The following PARD3 variants were observed in gnomAD, a reference collection of about 807,000 sequenced individuals.
PARD3 encodes the protein par-3 family cell polarity regulator, also known as partitioning defective 3 homolog.
A neutral mutation model predicts 155.4 loss-of-function variants in PARD3; 75 were observed. The ratio of observed to expected loss-of-function variants is 0.48; its 90% CI spans 0.40 to 0.58. The LOEUF (loss-of-function observed/expected upper bound fraction) is 0.58. PARD3 is among the 20% of genes least tolerant of loss of function. PARD3 has a pLI of 0.00. For synonymous variants in PARD3, 576 were observed against 610.5 expected (o/e 0.94, Z 0.83); for missense variants, 1,642 against 1,721.7 (o/e 0.95, Z 0.82).
At chr10:34,294,664 G>A (rs1308488295) in intron 20 of PARD3, among the ~76,000 whole-genome samples, 7 of 152,076 alleles carry the variant, frequency 4.6e-5, no homozygotes, top group African/African-American at 1.7e-4. Context: ...TTCTACATTA[G>A]GGAGCTGACA....
chr10:34,788,587 C>T, intron 1 of PARD3, among the ~76,000 whole-genome samples: 1 of 152,002 alleles, frequency 6.6e-6, no homozygotes, highest in East Asian at 1.9e-4. Context: ...GTAGCTGGGA[C>T]TACAGGCATG....
intron 12 of PARD3, among the ~76,000 whole-genome samples, chr10:34,360,475 T>C (rs1039893272): frequency 2.0e-5 from 3 of 152,170 alleles, no homozygotes; most frequent in Non-Finnish European, 4.4e-5. Flanking sequence ...TTATTCAATA[T>C]TGAACCAAAC....
chr10:34,760,922 C>T (rs1284829225), intron 1 of PARD3, among the ~76,000 whole-genome samples: 1 of 152,132 alleles, frequency 6.6e-6, no homozygotes, highest in Non-Finnish European at 1.5e-5. Flanking sequence ...CAGTAAATGT[C>T]TGTTTTTTAA....
At chr10:34,256,751 T>C (rs1954674336) in intron 22 of PARD3, among the ~76,000 whole-genome samples, 1 of 152,048 alleles carries the variant, frequency 6.6e-6, no homozygotes, top group South Asian at 2.1e-4. Context: ...TTTAAAAATA[T>C]CTGTCAGTTT....
intron 1 of PARD3, among the ~76,000 whole-genome samples, chr10:34,803,757 C>T (rs989913219): frequency 2.6e-5 from 4 of 151,960 alleles, no homozygotes; most frequent in Admixed American, 1.3e-4. Flanking sequence ...GAGCCGAGAT[C>T]GCGCCATTGC....
chr10:34,309,913 A>AC (rs75438899), intron 20 of PARD3, among the ~76,000 whole-genome samples: 2 of 151,382 alleles, frequency 1.3e-5, no homozygotes, highest in Non-Finnish European at 2.9e-5. Flanking sequence ...AAAAAAAAAA[A>AC]ACTGCAAGCA....
At chr10:34,239,294 G>A (rs772116381) in intron 22 of PARD3, among the ~76,000 whole-genome samples, 3 of 152,210 alleles carry the variant, frequency 2.0e-5, no homozygotes, top group African/African-American at 7.2e-5. Flanking sequence ...CTCTAGGCAC[G>A]GTGGCCGATG....
At chr10:34,312,264 C>T in intron 20 of PARD3, 11 of 1,601,618 alleles carry the variant, frequency 6.9e-6, no homozygotes, top group Non-Finnish European at 9.4e-6. Context: ...ACTAAGAATT[C>T]ATTAAAAGTA....
chr10:34,530,112 AGAG>A (rs1467149037), intron 2 of PARD3, among the ~76,000 whole-genome samples: 4 of 152,184 alleles, frequency 2.6e-5, no homozygotes, highest in Non-Finnish European at 5.9e-5. Context: ...ATGAGGAAGA[AGAG>A]GAGGGGTTGG....
intron 1 of PARD3, among the ~76,000 whole-genome samples, chr10:34,702,606 G>A (rs1048798170): frequency 5.3e-5 from 8 of 152,108 alleles, no homozygotes; most frequent in African/African-American, 1.7e-4. Flanking sequence ...GAATATTTAC[G>A]TACTGATTAC....
At chr10:34,427,399 T>C (rs2132491392) in intron 5 of PARD3, among the ~76,000 whole-genome samples, 1 of 152,304 alleles carries the variant, frequency 6.6e-6, no homozygotes, top group East Asian at 1.9e-4. Flanking sequence ...AAACACTCCC[T>C]AGTCTCCTGC....
intron 2 of PARD3, among the ~76,000 whole-genome samples, chr10:34,644,989 G>A (rs554429164): frequency 1.6e-4 from 24 of 152,124 alleles, no homozygotes; most frequent in African/African-American, 5.8e-4. Context: ...GAATAGCTGG[G>A]ACTACAGGCG....
Position 34,284,090 on chromosome 10 carries a change from A to G in PARD3, c.3176+45T>C, listed in dbSNP as rs1299632337. On this transcript the variant is annotated intron_variant, in intron 21 of 24. Transcript: ENST00000374788. Reference sequence around the variant, plus strand: ...AGAAGAAAGTAGAAAGAAAAAAAAAAAGAACCTCTTTCTAAGGAGGTTTAA... The same window carrying G: ...AGAAGAAAGTAGAAAGAAAAAAAAAGAGAACCTCTTTCTAAGGAGGTTTAA... 3 of 1,060,132 alleles carry G rather than the reference A, an allele frequency of 2.8e-6. No individual in the cohort carries two copies. In the African/African-American group the frequency reaches 4.9e-5, roughly 17 times the overall value. The allele number at this position is 1,060,132 out of a possible 1,614,324, so 65.7% of individuals were successfully genotyped here. A position where few individuals can be genotyped will look rare whatever the true frequency, so the allele number is the denominator to read the frequency against.
At chr10:34,684,327 T>C (rs1245845919) in intron 2 of PARD3, among the ~76,000 whole-genome samples, 1 of 152,172 alleles carries the variant, frequency 6.6e-6, no homozygotes, top group African/African-American at 2.4e-5. Context: ...TGCACTAAAG[T>C]TAGATTATAT....
chr10:34,156,961 A>G (rs1411145813), intron 22 of PARD3, among the ~76,000 whole-genome samples: 12 of 152,262 alleles, frequency 7.9e-5, no homozygotes, highest in African/African-American at 2.9e-4. Context: ...GGGAAAAAAA[A>G]CCCTGCCCTT....
rs1589381019 is a variant in PARD3, at chr10:34,382,914, T to A, written c.1025A>T (p.His342Leu). Reference protein sequence around the residue: ...LRNRRFEQAQHMFRQAMRTPI... With the variant: ...LRNRRFEQAQLMFRQAMRTPI... ...TGTACGCATGGCTTGGCGAAACATA[T>A]GTTGTGCTCTGGGTTTGAGAAAGAA... Residue 342 changes from histidine to leucine, a missense_variant, in exon 9 of 25, where the codon CAT becomes CTT. His to Leu is a moderately conservative substitution (Grantham distance 99). Transcript: ENST00000374788. 1 of 1,613,732 alleles carries A rather than the reference T, an allele frequency of 6.2e-7. No individual in the cohort carries two copies. The highest frequency in any genetic ancestry group is 1.3e-5 in the African/African-American group (1 of 75,034).
chr10:34,111,131 T>C lies in PARD3; in HGVS notation c.*38A>G. The C allele has an allele frequency of 1.3e-6, 2 of 1,512,392 alleles. No homozygotes were observed. Among genetic ancestry groups the C allele is most frequent in the Non-Finnish European group, 1.8e-6 (2 of 1,130,578 alleles). The allele number at this position is 1,512,392 out of a possible 1,614,324, so 93.7% of individuals were successfully genotyped here. On this transcript the variant is annotated 3_prime_UTR_variant, in exon 25 of 25. Coordinates refer to ENST00000374788, the MANE Select transcript of PARD3 (RefSeq NM_001184785.2). ...ATACAAGTCTTCATAGGAAAATGTCTTTTATTGCGCGACATGAAGCATCCG... is the reference window on the plus strand; with the variant it reads ...ATACAAGTCTTCATAGGAAAATGTCCTTTATTGCGCGACATGAAGCATCCG...
intron 1 of PARD3, among the ~76,000 whole-genome samples, chr10:34,763,421 T>C (rs1837698679): frequency 6.6e-6 from 1 of 152,202 alleles, no homozygotes; most frequent in Non-Finnish European, 1.5e-5. Context: ...CCCACCTGCA[T>C]CAGCTTGCCA....
chr10:34,155,777 A>C (rs1036522070), intron 22 of PARD3, among the ~76,000 whole-genome samples: 2 of 151,888 alleles, frequency 1.3e-5, no homozygotes, highest in Non-Finnish European at 2.9e-5. Flanking sequence ...AAAGGAGCAC[A>C]GTGAAGCAGT....
Sources: gnomAD v4.1 joint callset for allele counts (sites outside exome capture counted in the v4.1 genomes callset) on GRCh38, gnomAD v4.1.1 for gene constraint, MANE v1.5 for transcripts, NCBI Gene and HGNC (gene_info 2026-07-23, HGNC 2026-07-21) for gene names.